CDH9: variants seen among roughly 807,000 people sequenced by gnomAD.
The protein encoded by CDH9 is cadherin 9, also known as cadherin-9.
CDH9 carries 28 observed loss-of-function variants against 70.9 expected under a neutral mutation model. That is an observed-to-expected ratio of 0.40 (90% CI 0.29 to 0.54). The LOEUF (loss-of-function observed/expected upper bound fraction) is 0.54, where lower values mean the gene tolerates loss of function less well. Ranked by LOEUF, CDH9 falls within the 20% of genes least tolerant of loss-of-function variation. CDH9 has a pLI of 0.59. For synonymous variants in CDH9, 409 were observed against 343.1 expected (o/e 1.19, Z -2.12); for missense variants, 874 against 984.4 (o/e 0.89, Z 1.50).
intron 2 of CDH9, among the ~76,000 whole-genome samples, chr5:26,966,910 TA>T (rs1236793658): frequency 1.3e-5 from 2 of 152,016 alleles, no homozygotes; most frequent in African/African-American, 4.8e-5. Flanking sequence ...CTCTCTGCTT[TA>T]AAAAATGTTT....
chr5:27,028,798 A>G (rs959897875), intron 1 of CDH9, among the ~76,000 whole-genome samples: 4 of 152,028 alleles, frequency 2.6e-5, no homozygotes, highest in African/African-American at 9.7e-5. Context: ...GCCAAAAACC[A>G]AAAACTTAGA....
chr5:26,938,378 C>T (rs749982877), intron 2 of CDH9, among the ~76,000 whole-genome samples: 57 of 151,716 alleles, frequency 3.8e-4, no homozygotes, highest in Non-Finnish European at 6.9e-4. Flanking sequence ...AAATTAGATG[C>T]TTGTATATTC....
chr5:26,916,083 G>A (rs1333362245), intron 2 of CDH9, among the ~76,000 whole-genome samples, 159 bp from the exon 3 acceptor site: 1 of 151,754 alleles, frequency 6.6e-6, no homozygotes, highest in African/African-American at 2.4e-5. Flanking sequence ...AAATATTTCA[G>A]TTCTTATTAC....
At chr5:27,015,304 A>G (rs1305559421) in intron 1 of CDH9, among the ~76,000 whole-genome samples, 2 of 151,740 alleles carry the variant, frequency 1.3e-5, no homozygotes, top group Non-Finnish European at 2.9e-5. Flanking sequence ...ATTGATATTT[A>G]TTAAGACTTT....
At chr5:26,929,954 A>G (rs1277354260) in intron 2 of CDH9, among the ~76,000 whole-genome samples, 1 of 152,034 alleles carries the variant, frequency 6.6e-6, no homozygotes, top group Non-Finnish European at 1.5e-5. Context: ...ATTGTCAAAA[A>G]TAATTCATTG....
At chr5:26,896,858 CA>C (rs544903368) in intron 7 of CDH9, among the ~76,000 whole-genome samples, 23 of 151,600 alleles carry the variant, frequency 1.5e-4, no homozygotes, top group African/African-American at 5.6e-4. Context: ...AAAAAACCCT[CA>C]AAAAAATCAA....
At chr5:26,903,478 C>T (rs1158406216) in intron 6 of CDH9, 159 bp downstream of exon 6, 3 of 716,810 alleles carry the variant, frequency 4.2e-6, no homozygotes, top group Non-Finnish European at 7.7e-6. Context: ...AGACATTTAA[C>T]TTGCTTGAAG....
intron 1 of CDH9, among the ~76,000 whole-genome samples, chr5:27,007,623 C>T (rs992947790): frequency 3.3e-5 from 5 of 152,036 alleles, no homozygotes; most frequent in African/African-American, 1.2e-4. Flanking sequence ...TGGACTATTA[C>T]ATAGGAAACA....
chr5:27,017,542 A>G (rs1743066389), intron 1 of CDH9, among the ~76,000 whole-genome samples: 1 of 151,956 alleles, frequency 6.6e-6, no homozygotes, highest in East Asian at 1.9e-4. Context: ...TGTTCACAGC[A>G]TATCTCTGCC....
intron 9 of CDH9, among the ~76,000 whole-genome samples, chr5:26,886,487 A>G (rs1740569377): frequency 6.6e-6 from 1 of 152,096 alleles, no homozygotes. Context: ...AGTACACAGA[A>G]GATGCATTTT....
chr5:26,901,403 T>G, intron 7 of CDH9, among the ~76,000 whole-genome samples: 1 of 151,918 alleles, frequency 6.6e-6, no homozygotes, highest in East Asian at 1.9e-4. Flanking sequence ...AACATGTTCT[T>G]AATCTCACCA....
intron 1 of CDH9, among the ~76,000 whole-genome samples, chr5:27,008,669 G>T (rs920904828): frequency 3.9e-5 from 6 of 152,150 alleles, no homozygotes; most frequent in South Asian, 2.1e-4. Context: ...TATTTGAGAG[G>T]TTCCTTGTAA....
intron 2 of CDH9, among the ~76,000 whole-genome samples, chr5:26,929,726 G>T (rs1288322924): frequency 6.6e-6 from 1 of 151,972 alleles, no homozygotes; most frequent in African/African-American, 2.4e-5. Flanking sequence ...ATGTTAAGTG[G>T]AATGAGCCAG....
intron 9 of CDH9, among the ~76,000 whole-genome samples, chr5:26,889,352 T>C (rs1396959119): frequency 6.6e-6 from 1 of 152,122 alleles, no homozygotes; most frequent in East Asian, 1.9e-4. Context: ...ATTTCAATGA[T>C]ATGAAACTTT....
At chr5:27,003,557 A>G (rs1579507030) in intron 1 of CDH9, among the ~76,000 whole-genome samples, 1 of 152,054 alleles carries the variant, frequency 6.6e-6, no homozygotes, top group South Asian at 2.1e-4. Context: ...ATGGCACATG[A>G]TCTCCATGGT....
At chr5:26,926,919 C>CCCCT (rs200375045) in intron 2 of CDH9, among the ~76,000 whole-genome samples, 3,139 of 140,788 alleles carry the variant, frequency 0.022, 114 homozygotes, top group African/African-American at 0.08. Context: ...AAAATACAGC[C>CCCCT]CCCCCCCGCA....
chr5:27,029,415 A>C (rs546493598), intron 1 of CDH9, among the ~76,000 whole-genome samples: 6 of 152,034 alleles, frequency 3.9e-5, no homozygotes, highest in Admixed American at 1.3e-4. Flanking sequence ...GCTATTAAAT[A>C]GAGGTGGAAT....
At chr5:26,979,139 A>T (rs114084587) in intron 2 of CDH9, among the ~76,000 whole-genome samples, 3,518 of 151,738 alleles carry the variant, frequency 0.023, 151 homozygotes, top group African/African-American at 0.081. Flanking sequence ...TAAAATAAAT[A>T]ATGAATTGTT....
intron 2 of CDH9, among the ~76,000 whole-genome samples, chr5:26,972,006 A>C (rs1742227439): frequency 6.6e-6 from 1 of 152,196 alleles, no homozygotes; most frequent in Non-Finnish European, 1.5e-5. Context: ...TGGTGTGATT[A>C]GGGGTTAATA....
Sources: gnomAD v4.1 joint callset for allele counts (sites outside exome capture counted in the v4.1 genomes callset) on GRCh38, gnomAD v4.1.1 for gene constraint, MANE v1.5 for transcripts, NCBI Gene and HGNC (gene_info 2026-07-23, HGNC 2026-07-21) for gene names.